Variants in LUZP2 observed in about 807,000 individuals in gnomAD.
LUZP2 encodes leucine zipper protein 2.
LUZP2 carries 52 observed loss-of-function variants against 51.6 expected under a neutral mutation model. That is an observed-to-expected ratio of 1.01 (90% CI 0.81 to 1.27). LUZP2 has a LOEUF of 1.27. Ranked by LOEUF, LUZP2 falls within the 50% of genes most tolerant of loss-of-function variation. The probability of loss-of-function intolerance (pLI) is 0.00; values close to 1 mark genes in which losing one functional copy is unlikely to be tolerated. For synonymous variants in LUZP2, 154 were observed against 137.3 expected (o/e 1.12, Z -0.85); for missense variants, 436 against 395.4 (o/e 1.10, Z -0.87).
At chr11:24,762,625 T>C (rs1312047495) in intron 4 of LUZP2, among the ~76,000 whole-genome samples, 1 of 152,136 alleles carries the variant, frequency 6.6e-6, no homozygotes, top group Admixed American at 6.6e-5. Flanking sequence ...TTATAAAGAT[T>C]ATAAATTCTA....
intron 1 of LUZP2, among the ~76,000 whole-genome samples, chr11:24,635,845 T>C (rs368438251): frequency 1.3e-5 from 2 of 152,056 alleles, no homozygotes; most frequent in African/African-American, 4.8e-5. Flanking sequence ...ATACTTTACT[T>C]GAAATACAAG....
At chr11:24,924,970 T>C (rs1271686884) in intron 7 of LUZP2, among the ~76,000 whole-genome samples, 1 of 152,122 alleles carries the variant, frequency 6.6e-6, no homozygotes, top group Non-Finnish European at 1.5e-5. Flanking sequence ...ATCAAACTTA[T>C]GGTGCCAAAC....
chr11:25,051,273 C>T (rs1206400994), intron 10 of LUZP2, among the ~76,000 whole-genome samples: 2 of 151,586 alleles, frequency 1.3e-5, no homozygotes, highest in Non-Finnish European at 2.9e-5. Context: ...GCCGAGATGG[C>T]GCCGCTGCAC....
At chr11:25,010,313 G>T (rs1483010758) in intron 9 of LUZP2, among the ~76,000 whole-genome samples, 1 of 152,114 alleles carries the variant, frequency 6.6e-6, no homozygotes, top group Non-Finnish European at 1.5e-5. Context: ...CAGCACTTTG[G>T]GAGGCTGAGG....
intron 1 of LUZP2, among the ~76,000 whole-genome samples, chr11:24,710,618 C>A (rs7125906): frequency 1.3e-5 from 2 of 152,120 alleles, no homozygotes; most frequent in African/African-American, 4.8e-5. Context: ...TGAAAGCAGC[C>A]TAGCCACAAT....
chr11:24,952,823 A>G (rs1278317396), intron 7 of LUZP2, among the ~76,000 whole-genome samples: 1 of 151,920 alleles, frequency 6.6e-6, no homozygotes, highest in African/African-American at 2.4e-5. Flanking sequence ...TAAAAATAGA[A>G]TGTGCTAAGA....
chr11:24,528,218 C>T (rs2133817857), intron 1 of LUZP2, among the ~76,000 whole-genome samples: 1 of 151,060 alleles, frequency 6.6e-6, no homozygotes, highest in South Asian at 2.1e-4. Context: ...TTTCAGTAGA[C>T]ATTAATAGGC....
chr11:24,738,384 A>G, intron 4 of LUZP2, 82 bp downstream of exon 4: 2 of 874,898 alleles, frequency 2.3e-6, no homozygotes, highest in East Asian at 2.5e-5. Flanking sequence ...TATGGAACAA[A>G]CACACCTATA....
chr11:25,012,256 A>AC (rs2133959641), intron 9 of LUZP2, among the ~76,000 whole-genome samples: 1 of 152,268 alleles, frequency 6.6e-6, no homozygotes, highest in East Asian at 1.9e-4. Context: ...GACGTGAATA[A>AC]CCAGGTAGTA....
chr11:24,549,884 C>A (rs1232372342), intron 1 of LUZP2, among the ~76,000 whole-genome samples: 1 of 151,844 alleles, frequency 6.6e-6, no homozygotes, highest in African/African-American at 2.4e-5. Flanking sequence ...TTGGAAGATT[C>A]AATAAAATAT....
intron 1 of LUZP2, among the ~76,000 whole-genome samples, chr11:24,503,213 A>G (rs1313158916): frequency 6.6e-6 from 1 of 151,010 alleles, no homozygotes; most frequent in Non-Finnish European, 1.5e-5. Flanking sequence ...TTATGTAATA[A>G]CATTCTGACT....
At chr11:24,837,368 C>A (rs977942550) in intron 5 of LUZP2, among the ~76,000 whole-genome samples, 1 of 151,566 alleles carries the variant, frequency 6.6e-6, no homozygotes, top group African/African-American at 2.4e-5. Context: ...ACAGATAGAA[C>A]CCAATATGAA....
chr11:24,583,274 A>G (rs924333212), intron 1 of LUZP2, among the ~76,000 whole-genome samples: 3 of 152,128 alleles, frequency 2.0e-5, no homozygotes, highest in African/African-American at 7.2e-5. Flanking sequence ...CAAACAAGCC[A>G]GCATACAATG....
In LUZP2 at chr11:24,688,452, A is replaced by G. The variant is rs564500767; in HGVS notation, c.63-40717A>G. Among the ~76,000 whole-genome samples the G allele has an allele frequency of 2.8e-4, 43 of 152,210 alleles. 1 individual carries two copies. In the South Asian group the frequency reaches 8.1e-3, roughly 29 times the overall value. On this transcript the variant is annotated intron_variant, in intron 1 of 11. Transcript: ENST00000336930. ...TGTTATTTATTCTGTGCCTCTCCTGAAAGTCTGATAATTGGAGTTCAAGTA... is the reference window on the plus strand; with the variant it reads ...TGTTATTTATTCTGTGCCTCTCCTGGAAGTCTGATAATTGGAGTTCAAGTA...
intron 9 of LUZP2, among the ~76,000 whole-genome samples, chr11:25,026,753 A>T (rs1172658740): frequency 6.6e-6 from 1 of 152,126 alleles, no homozygotes; most frequent in Non-Finnish European, 1.5e-5. Context: ...ACATGACAAG[A>T]GTTCTGTATA....
chr11:24,876,071 G>T lies in LUZP2; in HGVS notation c.397-29920G>T, dbSNP rs542165041. Among the ~76,000 whole-genome samples, 39 of 152,000 alleles carry T rather than the reference G, an allele frequency of 2.6e-4. No individual in the cohort carries two copies. The East Asian group carries it at 6.0e-3, about 23-fold the overall frequency. On this transcript the variant is annotated intron_variant, in intron 5 of 11. Coordinates refer to ENST00000336930, the MANE Select transcript of LUZP2 (RefSeq NM_001009909.4). ...TGTAGGTTGTCTGTTCACTCTGATG[G>T]TAGTTTCTTTTGCTGTGCAGAAGCT...
At chr11:24,585,222 C>A (rs148613812) in intron 1 of LUZP2, among the ~76,000 whole-genome samples, 29 of 152,282 alleles carry the variant, frequency 1.9e-4, no homozygotes, top group African/African-American at 6.5e-4. Flanking sequence ...ATCTTCTATT[C>A]GGTGTTTATT....
chr11:24,543,925 G>A (rs1003643828), intron 1 of LUZP2, among the ~76,000 whole-genome samples: 2 of 149,764 alleles, frequency 1.3e-5, no homozygotes, highest in African/African-American at 4.9e-5. Context: ...ATGAAGATAT[G>A]TGCTGAGACA....
At chr11:24,582,062 C>G (rs931933721) in intron 1 of LUZP2, among the ~76,000 whole-genome samples, 3 of 152,126 alleles carry the variant, frequency 2.0e-5, no homozygotes, top group Non-Finnish European at 4.4e-5. Context: ...TTGGGCGATA[C>G]AAACTTTGTG....
Sources: gnomAD v4.1 joint callset for allele counts (sites outside exome capture counted in the v4.1 genomes callset) on GRCh38, gnomAD v4.1.1 for gene constraint, MANE v1.5 for transcripts, NCBI Gene and HGNC (gene_info 2026-07-23, HGNC 2026-07-21) for gene names.